The following GRIP1 variants were observed in gnomAD, a reference collection of about 807,000 sequenced individuals.
GRIP1 encodes the protein glutamate receptor-interacting protein 1.
In GRIP1, 45 loss-of-function variants were observed where a neutral mutation model predicts 129.9. The observed-to-expected ratio is 0.35, with a 90% confidence interval of 0.27 to 0.44. The LOEUF (loss-of-function observed/expected upper bound fraction) is 0.44. Among genes scored for constraint, GRIP1 ranks in the 20% least tolerant of loss-of-function variants. GRIP1 has a pLI of 1.00. For synonymous variants in GRIP1, 530 were observed against 520.8 expected, an observed-to-expected ratio of 1.02 and a Z score of -0.24; for missense variants, 1,196 against 1,396.8, an observed-to-expected ratio of 0.86 and a Z score of 2.29.
At chr12:66,772,556 C>A (rs1332841769) in intron 1 of GRIP1, among the ~76,000 whole-genome samples, 3 of 152,088 alleles carry the variant, frequency 2.0e-5, no homozygotes, top group Non-Finnish European at 4.4e-5. Context: ...GGTGTGAAAC[C>A]ATCAACAAAA....
intron 1 of GRIP1, among the ~76,000 whole-genome samples, chr12:66,946,963 G>C (rs946683833): frequency 3.3e-5 from 5 of 151,718 alleles, no homozygotes; most frequent in Admixed American, 6.6e-5. Flanking sequence ...AGAATTGCTC[G>C]ACCCCAGGAG....
intron 1 of GRIP1, among the ~76,000 whole-genome samples, chr12:66,880,857 T>A (rs1303321633): frequency 2.6e-5 from 4 of 152,142 alleles, no homozygotes; most frequent in Admixed American, 2.0e-4. Flanking sequence ...TTCCTAAGGT[T>A]CATTTAATCT....
At chr12:66,709,689 A>G (rs2035651664) in intron 1 of GRIP1, among the ~76,000 whole-genome samples, 1 of 151,928 alleles carries the variant, frequency 6.6e-6, no homozygotes, top group South Asian at 2.1e-4. Flanking sequence ...AGGATTTCTG[A>G]TAAGAGATTG....
chr12:66,463,269 C>G (rs563671189), intron 8 of GRIP1, among the ~76,000 whole-genome samples, 176 bp from the exon 9 acceptor site: 34 of 152,062 alleles, frequency 2.2e-4, no homozygotes, highest in Middle Eastern at 3.4e-3. Context: ...TGAATATGAA[C>G]AAGGAAGTAA....
rs142395366 is a variant in GRIP1, at chr12:66,972,068, A to G, written c.58+96982T>C. ...GGTGGAATGGGAAAAGTACTAAGCT[A>G]GGATTCATGAGGACAGCTAGCATTT... On this transcript the variant is annotated intron_variant, in intron 1 of 1. Coordinates refer to the GRIP1 transcript ENST00000643019. 1.6e-3 allele frequency among the ~76,000 whole-genome samples: 237 copies of G among 152,322 alleles called. 3 individuals carry two copies. The highest frequency in any genetic ancestry group is 5.4e-3 in the African/African-American group (224 of 41,580).
At chr12:66,520,778 G>A (rs183501005) in intron 5 of GRIP1, among the ~76,000 whole-genome samples, 4 of 152,256 alleles carry the variant, frequency 2.6e-5, no homozygotes, top group Admixed American at 2.6e-4. Flanking sequence ...TCTTTCATTA[G>A]TAATTTGATT....
chr12:66,968,382 T>C (rs1328821020), intron 1 of GRIP1, among the ~76,000 whole-genome samples: 1 of 151,076 alleles, frequency 6.6e-6, no homozygotes, highest in Admixed American at 6.6e-5. Flanking sequence ...CCTACGACTC[T>C]AGGTTTCCTA....
chr12:66,679,193 T>C, upstream of GRIP1: 2 of 1,274,522 alleles, frequency 1.6e-6, no homozygotes, highest in South Asian at 3.1e-5. Flanking sequence ...AGCACCAAAT[T>C]GTACAAAGCA....
chr12:67,001,038 C>T (rs2042543529), intron 1 of GRIP1, among the ~76,000 whole-genome samples: 1 of 152,178 alleles, frequency 6.6e-6, no homozygotes, highest in African/African-American at 2.4e-5. Context: ...AGAAATCAGA[C>T]TACCTATATT....
intron 1 of GRIP1, chr12:67,064,876 A>G (rs2043595485): frequency 6.7e-6 from 1 of 149,368 alleles, no homozygotes; most frequent in African/African-American, 2.5e-5. Context: ...AGCATTAGGT[A>G]TATCTCCCAA....
intron 1 of GRIP1, among the ~76,000 whole-genome samples, chr12:67,008,209 C>T (rs112156780): frequency 1.8e-4 from 28 of 152,124 alleles, no homozygotes; most frequent in Non-Finnish European, 5.9e-5. Context: ...ACAGGAGATG[C>T]GAGGAAAAGG....
intron 1 of GRIP1, among the ~76,000 whole-genome samples, chr12:66,914,459 G>A (rs1226383143): frequency 1.3e-5 from 2 of 152,172 alleles, no homozygotes; most frequent in Non-Finnish European, 2.9e-5. Context: ...TAACTGTGAT[G>A]TAGATATTAC....
intron 1 of GRIP1, among the ~76,000 whole-genome samples, chr12:66,651,737 A>G (rs1404784081): frequency 6.6e-6 from 1 of 152,164 alleles, no homozygotes; most frequent in Non-Finnish European, 1.5e-5. Flanking sequence ...TTGCTTGGGG[A>G]AAATCTCTAT....
intron 1 of GRIP1, among the ~76,000 whole-genome samples, chr12:66,667,552 A>G (rs1332280916): frequency 6.6e-6 from 1 of 152,166 alleles, no homozygotes; most frequent in Non-Finnish European, 1.5e-5. Flanking sequence ...GAGTTATAGC[A>G]CTATGTTTTC....
intron 1 of GRIP1, among the ~76,000 whole-genome samples, chr12:66,765,993 A>G (rs1452312998): frequency 6.6e-6 from 1 of 152,138 alleles, no homozygotes; most frequent in East Asian, 1.9e-4. Context: ...CTGTTCTGGT[A>G]CCACCATCTA....
chr12:66,375,840 T>A (rs547060974), intron 22 of GRIP1, among the ~76,000 whole-genome samples: 5 of 152,308 alleles, frequency 3.3e-5, no homozygotes, highest in African/African-American at 1.2e-4. Context: ...AAAAACAACT[T>A]TTTTTCTTCA....
chr12:66,530,001 A>T, intron 4 of GRIP1, 87 bp from the exon 5 acceptor site: 2 of 836,890 alleles, frequency 2.4e-6, no homozygotes, highest in Non-Finnish European at 4.1e-6. Flanking sequence ...AATATTACAG[A>T]TCCCTGTTGC....
intron 1 of GRIP1, among the ~76,000 whole-genome samples, chr12:66,976,212 C>T (rs2042149019): frequency 6.6e-6 from 1 of 152,152 alleles, no homozygotes; most frequent in South Asian, 2.1e-4. Context: ...ACTTAACCAA[C>T]ATTGGCTATT....
chr12:66,793,272 A>G (rs2038597297), intron 1 of GRIP1, among the ~76,000 whole-genome samples: 1 of 152,188 alleles, frequency 6.6e-6, no homozygotes, highest in Admixed American at 6.5e-5. Flanking sequence ...TGGACATGAC[A>G]CAGGACAATG....
Sources: allele counts gnomAD v4.1 joint callset (sites outside exome capture counted in the v4.1 genomes callset), GRCh38; gene constraint gnomAD v4.1.1; transcripts MANE v1.5; gene names NCBI Gene and HGNC (gene_info 2026-07-23, HGNC 2026-07-21).